PNPLA7: variants seen among roughly 807,000 people sequenced by gnomAD.
The protein encoded by PNPLA7 is patatin-like phospholipase domain-containing protein 7.
In PNPLA7, 153 loss-of-function variants were observed where a neutral mutation model predicts 161.7. That is an observed-to-expected ratio of 0.95 (90% CI 0.83 to 1.08). PNPLA7 has a LOEUF of 1.08. PNPLA7 is among the 50% of genes least tolerant of loss of function. The pLI is 0.00. For missense variants in PNPLA7, 1,739 were observed against 1,856.6 expected (o/e 0.94, Z 1.16); for synonymous variants, 809 against 782.1 (o/e 1.03, Z -0.57).
In PNPLA7 at chr9:137,540,771, G is replaced by A. The variant is rs1301448928; in HGVS notation, c.667-49C>T. The A allele has an allele frequency of 7.2e-6, 11 of 1,524,000 alleles. No homozygotes were observed. Among genetic ancestry groups the A allele is most frequent in the African/African-American group, 2.7e-5 (2 of 72,876 alleles). 94.4% of individuals were successfully genotyped at this position (1,524,000 alleles called of 1,614,324 possible). A position where few individuals can be genotyped will look rare whatever the true frequency, so the allele number is the denominator to read the frequency against. On this transcript the variant is annotated intron_variant, in intron 7 of 34. Transcript: ENST00000406427. This position sits in a 1 kb window ranked among gnomAD's most constrained non-coding sequence, Gnocchi z 5.1. ...TGCCGTCAGGTCTGGGGCTGCGACCGCGGGGCCTGGCGGAGGCTCAGCCCA... is the reference window on the plus strand; with the variant it reads ...TGCCGTCAGGTCTGGGGCTGCGACCACGGGGCCTGGCGGAGGCTCAGCCCA...
chr9:137,518,784 C>A (rs1477055804), intron 11 of PNPLA7, among the ~76,000 whole-genome samples: 204 of 52,816 alleles, frequency 3.9e-3, no homozygotes, highest in East Asian at 0.011. Context: ...ACTCCATCCC[C>A]CACTCACTCA....
chr9:137,461,323 C>A, intron 33 of PNPLA7: 1 of 522,416 alleles, frequency 1.9e-6, no homozygotes, highest in Non-Finnish European at 3.4e-6. Flanking sequence ...AGGGCAGGGG[C>A]TGGGTGACCC....
At chr9:137,480,566 G>A in intron 22 of PNPLA7, 86 bp from the exon 23 acceptor site, 2 of 1,417,710 alleles carry the variant, frequency 1.4e-6, no homozygotes, top group Non-Finnish European at 1.9e-6. Context: ...GGCAGCAGAG[G>A]CCAGCACCAG....
chr9:137,498,706 C>CAG (rs1833205935), intron 16 of PNPLA7, among the ~76,000 whole-genome samples: 1 of 151,958 alleles, frequency 6.6e-6, no homozygotes, highest in Non-Finnish European at 1.5e-5. Flanking sequence ...GTGGCTGGGG[C>CAG]CTCTGACCCG....
intron 8 of PNPLA7, among the ~76,000 whole-genome samples, chr9:137,534,208 G>T (rs550197941): frequency 4.1e-5 from 6 of 148,096 alleles, no homozygotes; most frequent in Non-Finnish European, 8.9e-5. Flanking sequence ...ACTCCAGATG[G>T]GAGCACCCCC....
chr9:137,518,494 C>A (rs1304681179), intron 11 of PNPLA7, among the ~76,000 whole-genome samples: 1 of 58,364 alleles, frequency 1.7e-5, no homozygotes, highest in African/African-American at 6.6e-5. Context: ...CCACTCACTC[C>A]ACTCTGTCCA....
intron 23 of PNPLA7, 165 bp from the exon 24 acceptor site, chr9:137,479,403 G>T: frequency 7.6e-7 from 1 of 1,307,282 alleles, no homozygotes; most frequent in African/African-American, 1.5e-5. Flanking sequence ...CGCTGCCGAA[G>T]CTCTGACGGC....
At chr9:137,478,302 G>T (rs915463250) in intron 24 of PNPLA7, 150 bp from the exon 25 acceptor site, 2 of 536,242 alleles carry the variant, frequency 3.7e-6, no homozygotes, top group Non-Finnish European at 5.7e-6. Context: ...TGCCTGATAC[G>T]ACTGGTCAGC....
rs773494292 is a variant in PNPLA7, at chr9:137,492,995, T to C, written c.2197+18A>G. On this transcript the variant is annotated intron_variant, in intron 20 of 34. Coordinates refer to ENST00000406427, the MANE Select transcript of PNPLA7 (RefSeq NM_001098537.3). ...GTGAGGGCTCCCAGGAGGCTCTGGG[T>C]TGGGAGAGGTGACCCACCTGTCACA... 1.2e-5 allele frequency: 20 copies of C among 1,611,096 alleles called. No homozygotes were observed. The highest frequency in any genetic ancestry group is 1.6e-5 in the Non-Finnish European group (19 of 1,179,046).
intron 1 of PNPLA7, among the ~76,000 whole-genome samples, chr9:137,549,633 A>G (rs1459200387): frequency 6.6e-6 from 1 of 151,262 alleles, no homozygotes. Flanking sequence ...CGTTTCTACT[A>G]AGAATACAAA....
chr9:137,513,655 G>A (rs1480197942), intron 12 of PNPLA7, among the ~76,000 whole-genome samples: 2 of 152,018 alleles, frequency 1.3e-5, no homozygotes, highest in African/African-American at 2.4e-5. Flanking sequence ...GTCCCGTGGC[G>A]GCATTTTCCA....
intron 8 of PNPLA7, among the ~76,000 whole-genome samples, chr9:137,527,299 A>AG (rs944525920): frequency 3.0e-5 from 4 of 131,414 alleles, no homozygotes; most frequent in Admixed American, 7.3e-5. Context: ...AAACAAAAAA[A>AG]CAAAAAAAAA....
intron 12 of PNPLA7, among the ~76,000 whole-genome samples, chr9:137,514,230 C>T (rs1834391008): frequency 6.8e-6 from 1 of 146,656 alleles, no homozygotes; most frequent in Non-Finnish European, 1.5e-5. Flanking sequence ...GTTGATGTGC[C>T]CGGGCCCTGT....
rs779124821 is a variant in PNPLA7 at position 137,467,768 on chromosome 9, C to G, written c.2883-295G>C. Among the ~76,000 whole-genome samples the G allele has an allele frequency of 6.6e-6, 1 of 152,080 alleles. No homozygotes were observed. The highest frequency in any genetic ancestry group is 1.5e-5 in the Non-Finnish European group (1 of 68,000). On this transcript the variant is annotated intron_variant, in intron 25 of 34. Transcript: ENST00000406427. This position sits in a 1 kb window ranked among gnomAD's most constrained non-coding sequence, Gnocchi z 5.1. Reference sequence around the variant, plus strand: ...CTAAAATTAGCCAGGCGTGGTGGTGCGCGCCTGTAATCCCAGCTACTCGGG... The same window carrying G: ...CTAAAATTAGCCAGGCGTGGTGGTGGGCGCCTGTAATCCCAGCTACTCGGG...
rs568562894 is a variant in PNPLA7 at position 137,462,519 on chromosome 9, G to A, written c.3492+166C>T. 8 of 1,383,970 alleles carry A rather than the reference G, an allele frequency of 5.8e-6. No homozygotes were observed. In the South Asian group the frequency reaches 8.7e-5, roughly 15 times the overall value. The allele number at this position is 1,383,970 out of a possible 1,614,324, so 85.7% of individuals were successfully genotyped here. A position where few individuals can be genotyped will look rare whatever the true frequency, so the allele number is the denominator to read the frequency against. On this transcript the variant is annotated intron_variant, in intron 30 of 34. Transcript: ENST00000406427. Reference sequence around the variant, plus strand: ...ACAGCCTTCAGGCCCGTCCGGCCTCGTGCCTTCCTTCGCCCGAGTTGGGCT... The same window carrying A: ...ACAGCCTTCAGGCCCGTCCGGCCTCATGCCTTCCTTCGCCCGAGTTGGGCT...
chr9:137,532,226 C>T (rs1835618877), intron 8 of PNPLA7, among the ~76,000 whole-genome samples: 1 of 152,210 alleles, frequency 6.6e-6, no homozygotes, highest in South Asian at 2.1e-4. Context: ...CGCTTGAGGT[C>T]AGGAGTTGAA....
In PNPLA7 at chr9:137,546,918, G is replaced by A. The variant is rs142084299; in HGVS notation, c.194-9C>T. 1.9e-6 allele frequency: 3 copies of A among 1,613,506 alleles called. No individual in the cohort carries two copies. Among genetic ancestry groups the A allele is most frequent in the African/African-American group, 2.7e-5 (2 of 75,070 alleles). On this transcript the variant is annotated splice_polypyrimidine_tract_variant and intron_variant, in intron 3 of 34. Coordinates refer to ENST00000406427, the MANE Select transcript of PNPLA7 (RefSeq NM_001098537.3). ...AGTGGGCTGTGCTTGTCCTGCAGGGGAGTAAAGGGATGGCCTGAGGTAGAG... is the reference window on the plus strand; with the variant it reads ...AGTGGGCTGTGCTTGTCCTGCAGGGAAGTAAAGGGATGGCCTGAGGTAGAG...
intron 25 of PNPLA7, among the ~76,000 whole-genome samples, chr9:137,471,492 A>G (rs1231601964): frequency 6.6e-6 from 1 of 151,306 alleles, no homozygotes; most frequent in Non-Finnish European, 1.5e-5. Flanking sequence ...CCAGCTCCTC[A>G]GGAGGCTGAG....
intron 13 of PNPLA7, 100 bp from the exon 14 acceptor site, chr9:137,505,860 G>A (rs1467118594): frequency 6.5e-7 from 1 of 1,543,270 alleles, no homozygotes; most frequent in Non-Finnish European, 8.9e-7. Flanking sequence ...GGAAAGGCCG[G>A]CTGAGCCTCC....
Sources: gnomAD v4.1 joint callset for allele counts (sites outside exome capture counted in the v4.1 genomes callset) on GRCh38, gnomAD v4.1.1 for gene constraint, Gnocchi (gnomAD v3.1) non-coding constraint, MANE v1.5 for transcripts, NCBI Gene and HGNC (gene_info 2026-07-23, HGNC 2026-07-21) for gene names.